TTLL5: variants seen among roughly 807,000 people sequenced by gnomAD.
TTLL5 encodes tubulin polyglutamylase TTLL5.
A neutral mutation model predicts 168.4 loss-of-function variants in TTLL5; 132 were observed. The observed-to-expected ratio is 0.78, with a 90% CI of 0.68 to 0.91. TTLL5 has a LOEUF of 0.91. Among genes scored for constraint, TTLL5 ranks in the 40% least tolerant of loss-of-function variants. TTLL5 has a pLI of 0.00. For synonymous variants in TTLL5, 546 were observed against 558.6 expected (o/e 0.98, Z 0.32); for missense variants, 1,545 against 1,581.5 (o/e 0.98, Z 0.39).
chr14:75,779,487 C>T, intron 23 of TTLL5, 88 bp from the exon 24 acceptor site: 4 of 1,550,996 alleles, frequency 2.6e-6, no homozygotes, highest in East Asian at 2.3e-5. Context: ...TTCCCTTTTC[C>T]AGCTTGCTCT....
At chr14:75,740,895 C>T (rs1032854667) in intron 15 of TTLL5, among the ~76,000 whole-genome samples, 1 of 152,080 alleles carries the variant, frequency 6.6e-6, no homozygotes, top group Admixed American at 6.5e-5. Flanking sequence ...GATTTTTATT[C>T]TTTGCATGTG....
intron 15 of TTLL5, among the ~76,000 whole-genome samples, chr14:75,736,813 T>C (rs1888940723): frequency 6.6e-6 from 1 of 152,232 alleles, no homozygotes; most frequent in South Asian, 2.1e-4. Context: ...GCTATTATCT[T>C]GGATTAAATA....
chr14:75,745,785 T>A (rs1566585878), intron 17 of TTLL5, among the ~76,000 whole-genome samples: 1 of 152,166 alleles, frequency 6.6e-6, no homozygotes, highest in Non-Finnish European at 1.5e-5. Context: ...TTTAATCCTC[T>A]GCCTCCCTCC....
Position 75,681,589 on chromosome 14 carries a change from C to T in TTLL5, c.226C>T (p.Leu76=). 4 of 1,613,494 alleles carry T rather than the reference C, an allele frequency of 2.5e-6. No homozygotes were observed. Among genetic ancestry groups the T allele is most frequent in the South Asian group, 1.1e-5 (1 of 91,072 alleles). The change falls in exon 4 of 32, where the codon CTA becomes TTA. Residue 76 remains leucine (L), a synonymous_variant. Coordinates refer to ENST00000298832, the MANE Select transcript of TTLL5 (RefSeq NM_015072.5). ...TAAGATTGTACGAACGGACAGTCGC[C>T]TAGTACGCAGCATTCTGACAGCCCA... is the stretch of plus-strand genomic sequence containing the variant. ...SYKIVRTDSR[L]VRSILTAHGF...
rs1369018059 is a variant in TTLL5 at position 75,954,629 on chromosome 14, GACA to G, written c.*188_*190del. On this transcript the variant is annotated 3_prime_UTR_variant, in exon 32 of 32. Coordinates refer to ENST00000298832, the MANE Select transcript of TTLL5 (RefSeq NM_015072.5). ...ATCAGCCAATGCAGACTTTCACTGG[GACA>G]ACAAGAAAGCAGATCTTCTGGGTTT... 50 of 630,464 alleles carry G rather than the reference GACA, an allele frequency of 7.9e-5. No homozygotes were observed. Among genetic ancestry groups the G allele is most frequent in the Non-Finnish European group, 1.3e-4 (47 of 360,664 alleles). 39.1% of individuals were successfully genotyped at this position (630,464 alleles called of 1,614,324 possible). A position where few individuals can be genotyped will look rare whatever the true frequency, so the allele number is the denominator to read the frequency against.
In TTLL5 at chr14:75,771,872, G is replaced by A. The variant is rs897989049; in HGVS notation, c.2136+18G>A. 3 of 1,594,452 alleles carry A rather than the reference G, an allele frequency of 1.9e-6. No homozygotes were observed. The highest frequency in any genetic ancestry group is 2.6e-6 in the Non-Finnish European group (3 of 1,173,526). On this transcript the variant is annotated intron_variant, in intron 21 of 31. Coordinates refer to ENST00000298832, the MANE Select transcript of TTLL5 (RefSeq NM_015072.5). ...AACAGATGGTAAGGCTTTTCTTACT[G>A]AAACCTTTTTACTTTCCCTTTTTCT...
intron 26 of TTLL5, among the ~76,000 whole-genome samples, chr14:75,784,552 G>A (rs1226072954): frequency 6.6e-6 from 1 of 152,142 alleles, no homozygotes; most frequent in East Asian, 1.9e-4. Context: ...ATGAACATTT[G>A]TTTGTAAGTT....
chr14:75,808,059 CTTATGAT>C (rs999605026), intron 27 of TTLL5, among the ~76,000 whole-genome samples: 2 of 152,130 alleles, frequency 1.3e-5, no homozygotes, highest in African/African-American at 4.8e-5. Context: ...AAGAATAGAT[CTTATGAT>C]GGCAGCAGCA....
chr14:75,927,068 G>A (rs77937898), intron 31 of TTLL5, among the ~76,000 whole-genome samples: 2,567 of 152,216 alleles, frequency 0.017, 112 homozygotes, highest in South Asian at 0.12. Flanking sequence ...ATGAGATTGT[G>A]GTAATGGTTA....
intron 28 of TTLL5, among the ~76,000 whole-genome samples, chr14:75,862,878 T>C (rs1204326996): frequency 2.0e-5 from 3 of 151,860 alleles, no homozygotes; most frequent in Non-Finnish European, 4.4e-5. Context: ...CATGGGGAGG[T>C]TGAGGCTACG....
At chr14:75,757,757 G>C in intron 18 of TTLL5, 1 of 1,361,746 alleles carries the variant, frequency 7.3e-7, no homozygotes, top group East Asian at 2.5e-5. Context: ...TTTCTGGAGT[G>C]CATGTGTGTG....
chr14:75,918,191 C>T (rs2033687199), intron 31 of TTLL5, among the ~76,000 whole-genome samples: 1 of 152,184 alleles, frequency 6.6e-6, no homozygotes, highest in South Asian at 2.1e-4. Flanking sequence ...GTTCTAACTA[C>T]CATATCATTG....
chr14:75,859,658 T>A (rs984462571), intron 28 of TTLL5, among the ~76,000 whole-genome samples: 1 of 152,072 alleles, frequency 6.6e-6, no homozygotes, highest in Non-Finnish European at 1.5e-5. Context: ...AAATTTTTGG[T>A]AGGAGTAGAA....
At chr14:75,942,959 AGTGAGT>A (rs2140199074) in intron 31 of TTLL5, among the ~76,000 whole-genome samples, 1 of 152,322 alleles carries the variant, frequency 6.6e-6, no homozygotes, top group African/African-American at 2.4e-5. Flanking sequence ...ATAAATGCCA[AGTGAGT>A]GTATAAAGAC....
At chr14:75,830,286 G>A (rs989958426) in intron 28 of TTLL5, among the ~76,000 whole-genome samples, 3 of 152,170 alleles carry the variant, frequency 2.0e-5, no homozygotes, top group Non-Finnish European at 2.9e-5. Context: ...CTGCATCTGG[G>A]TCCAGTCCAC....
chr14:75,705,837 A>G (rs936424228), intron 7 of TTLL5, among the ~76,000 whole-genome samples: 1 of 151,454 alleles, frequency 6.6e-6, no homozygotes, highest in Non-Finnish European at 1.5e-5. Context: ...TTCCAGCTTT[A>G]TCTAATCACA....
intron 28 of TTLL5, among the ~76,000 whole-genome samples, chr14:75,858,697 G>A (rs745510999): frequency 2.0e-5 from 3 of 152,146 alleles, no homozygotes; most frequent in African/African-American, 7.2e-5. Flanking sequence ...TTTGGAAAAC[G>A]TGTATCCACC....
chr14:75,894,880 GTATGCACTTAACATCA>G (rs1271533064), intron 30 of TTLL5, among the ~76,000 whole-genome samples: 1 of 152,142 alleles, frequency 6.6e-6, no homozygotes, highest in Non-Finnish European at 1.5e-5. Context: ...AAAAGCACTT[GTATGCACTTAACATCA>G]TAAACTTAAA....
chr14:75,940,538 T>TA (rs2034568910), intron 31 of TTLL5, among the ~76,000 whole-genome samples: 1 of 152,222 alleles, frequency 6.6e-6, no homozygotes. Context: ...GCATGGTAGA[T>TA]ACATCATAGA....
Sources: gnomAD v4.1 joint callset for allele counts (sites outside exome capture counted in the v4.1 genomes callset) on GRCh38, gnomAD v4.1.1 for gene constraint, MANE v1.5 for transcripts, NCBI Gene and HGNC (gene_info 2026-07-23, HGNC 2026-07-21) for gene names.